SLC6A11: variants seen among roughly 807,000 people sequenced by gnomAD.
SLC6A11 encodes sodium- and chloride-dependent GABA transporter 3.
A neutral mutation model predicts 74.8 loss-of-function variants in SLC6A11; 25 were observed. The observed-to-expected ratio is 0.33, with a 90% CI of 0.24 to 0.47. The LOEUF (loss-of-function observed/expected upper bound fraction) is 0.47. Among genes scored for constraint, SLC6A11 ranks in the 20% least tolerant of loss-of-function variants. The pLI, the probability that SLC6A11 is intolerant of heterozygous loss-of-function variation, is 1.00. For synonymous variants in SLC6A11, 330 were observed against 330.2 expected, an observed-to-expected ratio of 1.00 and a Z score of 0.01; for missense variants, 574 against 837.0, an observed-to-expected ratio of 0.69 and a Z score of 3.88.
chr3:10,925,659 T>C (rs1008191426), intron 8 of SLC6A11, among the ~76,000 whole-genome samples: 2 of 152,180 alleles, frequency 1.3e-5, no homozygotes, highest in Admixed American at 1.3e-4. Context: ...TCAGAATCGC[T>C]GGGTAGGCCT....
intron 8 of SLC6A11, among the ~76,000 whole-genome samples, chr3:10,925,749 C>T (rs1222729662): frequency 6.6e-6 from 1 of 152,168 alleles, no homozygotes. Context: ...GTCCATGGAT[C>T]AGCTGAACCT....
chr3:10,829,451 C>G (rs1336320622), intron 4 of SLC6A11, among the ~76,000 whole-genome samples: 2 of 152,216 alleles, frequency 1.3e-5, no homozygotes, highest in Non-Finnish European at 2.9e-5. Flanking sequence ...CAGAAGTGCC[C>G]TTGGGACCCT....
intron 7 of SLC6A11, among the ~76,000 whole-genome samples, chr3:10,917,364 C>T (rs568283713): frequency 7.9e-5 from 12 of 152,310 alleles, no homozygotes; most frequent in African/African-American, 2.9e-4. Context: ...GGTGTGCAAG[C>T]AGAGGTCAGC....
At chr3:10,905,518 T>C (rs535567112) in intron 6 of SLC6A11, among the ~76,000 whole-genome samples, 2 of 152,354 alleles carry the variant, frequency 1.3e-5, no homozygotes, top group African/African-American at 2.4e-5. Context: ...GAAATAAACT[T>C]TTATTGTGCT....
chr3:10,894,111 C>G (rs141857481), intron 6 of SLC6A11, among the ~76,000 whole-genome samples: 3 of 152,282 alleles, frequency 2.0e-5, no homozygotes, highest in Non-Finnish European at 4.4e-5. Flanking sequence ...TTAGCCACCC[C>G]TCCTGGTTTC....
chr3:10,827,439 G>C (rs1485142), intron 4 of SLC6A11, among the ~76,000 whole-genome samples: 36,048 of 151,992 alleles, frequency 0.24, 5,057 homozygotes, highest in African/African-American at 0.38. Context: ...TTCCATTTCT[G>C]TGTGACAGTA....
In SLC6A11 at chr3:10,875,175, G is replaced by C. The variant is rs978010621; in HGVS notation, c.891+80G>C. On this transcript the variant is annotated intron_variant, in intron 6 of 13. Transcript: ENST00000254488. ...TGCAGAGCCCCTGCCACTGGCCACT[G>C]AGATTCAACAGCTGGTTGAACAGTG... is the stretch of plus-strand genomic sequence containing the variant. 12 of 1,281,200 alleles carry C rather than the reference G, an allele frequency of 9.4e-6. No individual in the cohort carries two copies. In the South Asian group the frequency reaches 1.7e-4, roughly 18 times the overall value. 79.4% of individuals were successfully genotyped at this position (1,281,200 alleles called of 1,614,324 possible). A position where few individuals can be genotyped will look rare whatever the true frequency, so the allele number is the denominator to read the frequency against.
chr3:10,912,179 C>T lies in SLC6A11; in HGVS notation c.981C>T (p.Asn327=), dbSNP rs374647114. Residue 327 remains asparagine, a synonymous_variant, in exon 7 of 14, where the codon AAC becomes AAT. Coordinates refer to ENST00000254488, the MANE Select transcript of SLC6A11 (RefSeq NM_014229.3). ...LTALGSYNNY[N]NNCYRDCIML... ...CTCTGGGAAGTTATAACAATTATAA[C>T]AACAACTGCTACAGGTGAGCATTTC... 4.8e-5 allele frequency: 77 copies of T among 1,609,572 alleles called. No individual in the cohort carries two copies. Among genetic ancestry groups the T allele is most frequent in the Non-Finnish European group, 6.5e-5 (76 of 1,175,964 alleles).
At chr3:10,917,860 C>T (rs902010932) in intron 7 of SLC6A11, among the ~76,000 whole-genome samples, 1 of 152,154 alleles carries the variant, frequency 6.6e-6, no homozygotes, top group Non-Finnish European at 1.5e-5. Flanking sequence ...AAGCCTCTCC[C>T]CCGGAGGCTG....
intron 6 of SLC6A11, among the ~76,000 whole-genome samples, chr3:10,897,295 C>T (rs1695182881): frequency 6.6e-6 from 1 of 152,152 alleles, no homozygotes; most frequent in Non-Finnish European, 1.5e-5. Flanking sequence ...CATGCCTTCC[C>T]AACAGTCCCC....
intron 5 of SLC6A11, among the ~76,000 whole-genome samples, chr3:10,857,933 T>G (rs939295887): frequency 1.3e-5 from 2 of 152,130 alleles, no homozygotes; most frequent in Admixed American, 6.5e-5. Context: ...CAAGAAAACA[T>G]AATGAAGTAG....
At position 10,940,711 on chromosome 3, in the gene SLC6A11, A is replaced by G. The variant is rs1403414438; in HGVS notation, c.*2309A>G. On this transcript the variant is annotated 3_prime_UTR_variant, in exon 14 of 14. Coordinates refer to ENST00000254488, the MANE Select transcript of SLC6A11 (RefSeq NM_014229.3). ...TTTTTAAAAATTAAAGAAATGAACA[A>G]TCAGTGTGGCTATTCCTAGCAAGGT... The G allele has an allele frequency of 6.6e-6, 1 of 152,196 alleles. No homozygotes were observed. The highest frequency in any genetic ancestry group is 1.5e-5 in the Non-Finnish European group (1 of 68,020). The allele number at this position is 152,196 out of a possible 1,614,324, so 9.4% of individuals were successfully genotyped here.
At chr3:10,894,733 A>G (rs1360635475) in intron 6 of SLC6A11, among the ~76,000 whole-genome samples, 9 of 152,200 alleles carry the variant, frequency 5.9e-5, no homozygotes, top group Admixed American at 5.9e-4. Flanking sequence ...ATGGTGACAT[A>G]GGCAATAACA....
At chr3:10,903,972 G>A (rs1381079748) in intron 6 of SLC6A11, among the ~76,000 whole-genome samples, 1 of 152,240 alleles carries the variant, frequency 6.6e-6, no homozygotes, top group Non-Finnish European at 1.5e-5. Context: ...CATGATCAAG[G>A]TAGGAATGTG....
intron 6 of SLC6A11, among the ~76,000 whole-genome samples, chr3:10,890,932 G>A (rs1356528305): frequency 6.6e-6 from 1 of 152,236 alleles, no homozygotes; most frequent in African/African-American, 2.4e-5. Context: ...TATTGCAAGA[G>A]CAGTGTGTAA....
At chr3:10,823,457 T>G (rs1694163787) in intron 4 of SLC6A11, 65 bp downstream of exon 4, 7 of 1,094,750 alleles carry the variant, frequency 6.4e-6, no homozygotes, top group Non-Finnish European at 9.8e-6. Flanking sequence ...GCTCAGTTGG[T>G]CTTGCCCCTA....
chr3:10,826,283 G>A (rs1174161380), intron 4 of SLC6A11, among the ~76,000 whole-genome samples: 1 of 152,246 alleles, frequency 6.6e-6, no homozygotes, highest in East Asian at 1.9e-4. Context: ...CTCAAACAGA[G>A]CATCTGTTAG....
At chr3:10,924,946 C>T (rs1054178223) in intron 8 of SLC6A11, among the ~76,000 whole-genome samples, 2 of 152,316 alleles carry the variant, frequency 1.3e-5, no homozygotes, top group Non-Finnish European at 2.9e-5. Flanking sequence ...GAACGTTAAA[C>T]ATATGATTGC....
chr3:10,870,016 G>A (rs1444515450), intron 5 of SLC6A11, among the ~76,000 whole-genome samples: 1 of 152,116 alleles, frequency 6.6e-6, no homozygotes, highest in African/African-American at 2.4e-5. Flanking sequence ...ATATGAGGGG[G>A]CAGACAATAC....
Sources: allele counts gnomAD v4.1 joint callset (sites outside exome capture counted in the v4.1 genomes callset), GRCh38; gene constraint gnomAD v4.1.1; transcripts MANE v1.5; gene names NCBI Gene and HGNC (gene_info 2026-07-23, HGNC 2026-07-21).